The following MAP7 variants were observed in gnomAD, a reference collection of about 807,000 sequenced individuals.
MAP7 encodes the protein microtubule associated protein 7.
A neutral mutation model predicts 94.8 loss-of-function variants in MAP7; 52 were observed. The observed-to-expected ratio is 0.55, with a 90% CI of 0.44 to 0.69. The LOEUF (loss-of-function observed/expected upper bound fraction) is 0.69, where lower values mean the gene tolerates loss of function less well. MAP7 is among the 30% of genes least tolerant of loss of function. The probability of loss-of-function intolerance (pLI) is 0.00; values close to 1 mark genes in which losing one functional copy is unlikely to be tolerated. For synonymous variants in MAP7, 350 were observed against 357.0 expected (o/e 0.98, Z 0.22); for missense variants, 940 against 964.6 (o/e 0.97, Z 0.34).
At chr6:136,433,628 A>G (rs1795566661) in intron 1 of MAP7, among the ~76,000 whole-genome samples, 1 of 152,234 alleles carries the variant, frequency 6.6e-6, no homozygotes, top group African/African-American at 2.4e-5. Flanking sequence ...GCTTAAAAGC[A>G]AGGTTTGTTC....
intron 1 of MAP7, among the ~76,000 whole-genome samples, chr6:136,440,568 T>C (rs1222099962): frequency 2.0e-5 from 3 of 152,242 alleles, no homozygotes; most frequent in Non-Finnish European, 4.4e-5. Flanking sequence ...ATTGCATCTT[T>C]ACTCACTTAA....
chr6:136,363,050 T>C (rs897551320), intron 10 of MAP7, among the ~76,000 whole-genome samples: 3 of 152,242 alleles, frequency 2.0e-5, no homozygotes, highest in African/African-American at 7.2e-5. Context: ...ATCATCCATT[T>C]GTCTTTTATT....
chr6:136,419,360 C>T (rs1790508557), intron 2 of MAP7, among the ~76,000 whole-genome samples: 1 of 151,992 alleles, frequency 6.6e-6, no homozygotes, highest in African/African-American at 2.4e-5. Context: ...AAATACAGCA[C>T]CAACAACTAA....
chr6:136,538,798 C>CAA (rs397836178), intron 1 of MAP7, among the ~76,000 whole-genome samples: 6,977 of 64,862 alleles, frequency 0.11, 822 homozygotes, highest in African/African-American at 0.3. Flanking sequence ...GATTTTGTCT[C>CAA]AAAAAAAAAA....
chr6:136,379,513 T>C (rs544675441), intron 6 of MAP7, among the ~76,000 whole-genome samples: 1 of 152,270 alleles, frequency 6.6e-6, no homozygotes, highest in African/African-American at 2.4e-5. Flanking sequence ...AACAACAGAA[T>C]AGAATACAAT....
chr6:136,365,500 T>G (rs940558113), intron 10 of MAP7, among the ~76,000 whole-genome samples: 8 of 152,182 alleles, frequency 5.3e-5, no homozygotes, highest in African/African-American at 1.7e-4. Context: ...TAAACTCCAG[T>G]ATGCACAGGA....
chr6:136,392,374 C>G (rs1253478499), intron 3 of MAP7, among the ~76,000 whole-genome samples: 3 of 149,308 alleles, frequency 2.0e-5, no homozygotes, highest in Non-Finnish European at 4.4e-5. Context: ...CCACCGCACC[C>G]AGCCTGCATC....
At chr6:136,440,936 G>A (rs1797674423) in intron 1 of MAP7, among the ~76,000 whole-genome samples, 3 of 151,854 alleles carry the variant, frequency 2.0e-5, no homozygotes, top group Non-Finnish European at 4.4e-5. Context: ...ATAACAACAA[G>A]ATCATGCGGC....
chr6:136,422,204 A>G (rs1385669416), intron 1 of MAP7, among the ~76,000 whole-genome samples: 1 of 152,172 alleles, frequency 6.6e-6, no homozygotes, highest in East Asian at 1.9e-4. Context: ...ACATCATTTA[A>G]TCTTTCTTTG....
At chr6:136,426,691 A>C (rs79760517) in intron 1 of MAP7, among the ~76,000 whole-genome samples, 1 of 152,216 alleles carries the variant, frequency 6.6e-6, no homozygotes, top group Non-Finnish European at 1.5e-5. Context: ...CAGGAGAGAC[A>C]ATCAGGACTG....
At chr6:136,374,614 TG>T (rs1298278095) in intron 7 of MAP7, among the ~76,000 whole-genome samples, 1 of 152,228 alleles carries the variant, frequency 6.6e-6, no homozygotes, top group African/African-American at 2.4e-5. Flanking sequence ...GAAGTATCTA[TG>T]GAGCATTTCC....
intron 2 of MAP7, chr6:136,420,374 G>A (rs979589042): frequency 3.5e-6 from 2 of 572,780 alleles, no homozygotes; most frequent in East Asian, 2.8e-5. Flanking sequence ...CATAACCTCA[G>A]TGCAGCACCA....
At chr6:136,544,763 G>T (rs969348826) in intron 1 of MAP7, among the ~76,000 whole-genome samples, 1 of 152,102 alleles carries the variant, frequency 6.6e-6, no homozygotes, top group Non-Finnish European at 1.5e-5. Flanking sequence ...ACATTTTCAT[G>T]TCTAAAGCAG....
chr6:136,366,145 G>T, intron 9 of MAP7, 127 bp from the exon 10 acceptor site: 1 of 1,106,526 alleles, frequency 9.0e-7, no homozygotes, highest in Non-Finnish European at 1.3e-6. Flanking sequence ...TTATGTGGTA[G>T]ATACAGAAAT....
chr6:136,430,168 T>C (rs1014328209), intron 1 of MAP7, among the ~76,000 whole-genome samples: 1 of 152,222 alleles, frequency 6.6e-6, no homozygotes, highest in Non-Finnish European at 1.5e-5. Context: ...TAGAAGAAAC[T>C]ATTTAAATAA....
intron 1 of MAP7, chr6:136,466,623 A>C (rs1173130068): frequency 1.4e-6 from 1 of 717,220 alleles, no homozygotes; most frequent in Non-Finnish European, 2.1e-6. Context: ...TGATTAAAAA[A>C]AAAAAGATTA....
intron 1 of MAP7, among the ~76,000 whole-genome samples, chr6:136,507,929 A>G (rs1177713728): frequency 6.6e-6 from 1 of 152,216 alleles, no homozygotes; most frequent in Non-Finnish European, 1.5e-5. Context: ...ACACACTGCA[A>G]GCTCCCTCAA....
chr6:136,473,497 C>T (rs1397963039), intron 1 of MAP7, among the ~76,000 whole-genome samples: 2 of 152,156 alleles, frequency 1.3e-5, no homozygotes, highest in African/African-American at 4.8e-5. Context: ...AAAATGGGAT[C>T]TTCCATGTAA....
intron 1 of MAP7, among the ~76,000 whole-genome samples, chr6:136,519,956 T>C (rs780147322): frequency 2.0e-5 from 3 of 152,020 alleles, no homozygotes; most frequent in Non-Finnish European, 4.4e-5. Context: ...CCCAGCACTT[T>C]GGGAGATCAA....
Sources: gnomAD v4.1 joint callset for allele counts (sites outside exome capture counted in the v4.1 genomes callset) on GRCh38, gnomAD v4.1.1 for gene constraint, MANE v1.5 for transcripts, NCBI Gene and HGNC (gene_info 2026-07-23, HGNC 2026-07-21) for gene names.